Variants in AP1G1 observed in about 807,000 individuals in gnomAD.
AP1G1 encodes adaptor related protein complex 1 subunit gamma 1.
In AP1G1, 7 loss-of-function variants were observed where a neutral mutation model predicts 108.3. The ratio of observed to expected loss-of-function variants is 0.06; its 90% confidence interval spans 0.04 to 0.12. The LOEUF (loss-of-function observed/expected upper bound fraction) is 0.12. Among genes scored for constraint, AP1G1 ranks in the 10% least tolerant of loss-of-function variants. The probability of loss-of-function intolerance (pLI) is 1.00; values close to 1 mark genes in which losing one functional copy is unlikely to be tolerated. For missense variants in AP1G1, 756 were observed against 1,010.7 expected, an observed-to-expected ratio of 0.75 and a Z score of 3.42; for synonymous variants, 379 against 353.5, an observed-to-expected ratio of 1.07 and a Z score of -0.81.
At chr16:71,777,397 A>C (rs1443825564) in intron 2 of AP1G1, among the ~76,000 whole-genome samples, 1 of 152,078 alleles carries the variant, frequency 6.6e-6, no homozygotes, top group Non-Finnish European at 1.5e-5. Context: ...GGAGTAGGTC[A>C]GGAGGTGGAA....
At chr16:71,736,535 C>T (rs1335166353) in intron 21 of AP1G1, among the ~76,000 whole-genome samples, 1 of 149,048 alleles carries the variant, frequency 6.7e-6, no homozygotes, top group Non-Finnish European at 1.5e-5. Context: ...CGCCCGCCAC[C>T]ACGCCCGGCT....
At chr16:71,763,549 G>A (rs1224903511) in intron 9 of AP1G1, among the ~76,000 whole-genome samples, 1 of 152,132 alleles carries the variant, frequency 6.6e-6, no homozygotes, top group African/African-American at 2.4e-5. Flanking sequence ...AAAAGAACAT[G>A]ACTTATCTCT....
chr16:71,777,002 G>A (rs941333766), intron 2 of AP1G1, among the ~76,000 whole-genome samples: 3 of 150,684 alleles, frequency 2.0e-5, no homozygotes, highest in Non-Finnish European at 4.4e-5. Context: ...CCAGCTACTC[G>A]GGAGGCTGAG....
chr16:71,767,762 T>C lies in AP1G1; in HGVS notation c.642+1861A>G, dbSNP rs2031374408. ...GATGGTAGAACAATAACTCACAGTA[T>C]TAAGCACAGCTTCAGCATTAGTATA... On this transcript the variant is annotated intron_variant, in intron 6 of 22. Coordinates refer to ENST00000299980, the MANE Select transcript of AP1G1 (RefSeq NM_001128.6). 1.2e-5 allele frequency: 13 copies of C among 1,070,190 alleles called. No individual in the cohort carries two copies. In the South Asian group the frequency reaches 1.5e-4, roughly 12 times the overall value. 66.3% of individuals were successfully genotyped at this position (1,070,190 alleles called of 1,614,324 possible).
chr16:71,736,539 C>A (rs375118566), intron 21 of AP1G1, among the ~76,000 whole-genome samples: 15 of 146,906 alleles, frequency 1.0e-4, no homozygotes, highest in Admixed American at 8.9e-4. Context: ...CGCCACCACG[C>A]CCGGCTAATT....
At chr16:71,756,809 G>T (rs1014217705) in intron 11 of AP1G1, among the ~76,000 whole-genome samples, 2 of 151,970 alleles carry the variant, frequency 1.3e-5, no homozygotes, top group African/African-American at 4.8e-5. Flanking sequence ...GGGCATGGTG[G>T]TGGGCGCCTG....
Position 71,734,678 on chromosome 16 carries a change from G to A in AP1G1, c.2298C>T (p.Ser766=), listed in dbSNP as rs753139414. 2.5e-6 allele frequency: 4 copies of A among 1,613,982 alleles called. No homozygotes were observed. The highest frequency in any genetic ancestry group is 3.4e-6 in the Non-Finnish European group (4 of 1,179,970). Residue 766 remains serine (S), a synonymous_variant, in exon 22 of 23, where the codon AGC becomes AGT. Coordinates refer to ENST00000299980, the MANE Select transcript of AP1G1 (RefSeq NM_001128.6). ...TGTTAAATGCTGGGACAATGCTGCT[G>A]CTAGGAGACAAGAGCTGCAGCTGGA... ...KTFQLQLLSP[S]SSIVPAFNTG... is the part of the protein sequence containing the mutation.
chr16:71,742,436 G>A (rs918965919), intron 19 of AP1G1: 1 of 152,086 alleles, frequency 6.6e-6, no homozygotes, highest in Non-Finnish European at 1.5e-5. Flanking sequence ...GCTTATGACT[G>A]TGCGGTTAAA....
chr16:71,741,263 A>G (rs2145419749), intron 19 of AP1G1, among the ~76,000 whole-genome samples: 1 of 152,310 alleles, frequency 6.6e-6, no homozygotes, highest in South Asian at 2.1e-4. Context: ...AATGAGGGGG[A>G]AAAAAGATAC....
intron 22 of AP1G1, among the ~76,000 whole-genome samples, chr16:71,733,657 T>C (rs1250523050): frequency 1.3e-5 from 2 of 152,122 alleles, no homozygotes; most frequent in East Asian, 1.9e-4. Flanking sequence ...TGAGCCACCA[T>C]GGAGCATTCT....
At chr16:71,755,830 G>A (rs1040904295) in intron 12 of AP1G1, 189 bp downstream of exon 12, 27 of 571,336 alleles carry the variant, frequency 4.7e-5, no homozygotes, top group Non-Finnish European at 6.6e-5. Context: ...ATTTTTAGTG[G>A]CGACAGGGTT....
chr16:71,789,152 C>T (rs1326260968), intron 2 of AP1G1, 127 bp downstream of exon 2: 1 of 844,850 alleles, frequency 1.2e-6, no homozygotes. Flanking sequence ...CTCAATCTTA[C>T]CCTCAGTTCC....
At chr16:71,805,628 A>G (rs1172003356) in intron 1 of AP1G1, among the ~76,000 whole-genome samples, 1 of 152,212 alleles carries the variant, frequency 6.6e-6, no homozygotes, top group Non-Finnish European at 1.5e-5. Flanking sequence ...AATGCAAATA[A>G]GGGGATTAAG....
intron 1 of AP1G1, among the ~76,000 whole-genome samples, chr16:71,798,886 C>T (rs1239869367): frequency 2.7e-4 from 40 of 150,718 alleles, no homozygotes; most frequent in Admixed American, 2.7e-3. Context: ...GAGACTCTGT[C>T]TCCCAGGAAA....
chr16:71,805,897 T>C (rs1391600233), intron 1 of AP1G1, among the ~76,000 whole-genome samples: 1 of 152,016 alleles, frequency 6.6e-6, no homozygotes, highest in Non-Finnish European at 1.5e-5. Context: ...AGCACACGCC[T>C]GTAGTCCCAG....
At chr16:71,748,205 T>G (rs1469075814) in intron 16 of AP1G1, 46 bp downstream of exon 16, 1 of 1,576,300 alleles carries the variant, frequency 6.3e-7, no homozygotes, top group East Asian at 2.2e-5. Flanking sequence ...TTTTTGTTTT[T>G]TAATTACAAA....
chr16:71,793,124 G>T (rs376763502), intron 1 of AP1G1, among the ~76,000 whole-genome samples: 1 of 150,762 alleles, frequency 6.6e-6, no homozygotes, highest in African/African-American at 2.4e-5. Flanking sequence ...CTGAGATCAG[G>T]CCACTGCACT....
At chr16:71,777,409 A>T (rs2031831142) in intron 2 of AP1G1, among the ~76,000 whole-genome samples, 1 of 152,056 alleles carries the variant, frequency 6.6e-6, no homozygotes, top group Non-Finnish European at 1.5e-5. Flanking sequence ...GAGGTGGAAC[A>T]ATGGTAGAGT....
At chr16:71,738,801 T>TA in intron 21 of AP1G1, 141 bp downstream of exon 21, 1 of 748,802 alleles carries the variant, frequency 1.3e-6, no homozygotes, top group South Asian at 2.1e-5. Context: ...CCATGAACCA[T>TA]AAGCTACATT....
Sources: gnomAD v4.1 joint callset for allele counts (sites outside exome capture counted in the v4.1 genomes callset) on GRCh38, gnomAD v4.1.1 for gene constraint, MANE v1.5 for transcripts, NCBI Gene and HGNC (gene_info 2026-07-23, HGNC 2026-07-21) for gene names.